LRRC4C: variants seen among roughly 807,000 people sequenced by gnomAD.
LRRC4C encodes the protein leucine-rich repeat-containing protein 4C.
Under a neutral mutation model 33.6 loss-of-function variants are expected in LRRC4C, and 5 were observed. That is an observed-to-expected ratio of 0.15 (90% confidence interval 0.08 to 0.31). The LOEUF (loss-of-function observed/expected upper bound fraction) is 0.31. Ranked by LOEUF, LRRC4C falls within the 10% of genes least tolerant of loss-of-function variation. The pLI is 1.00. For synonymous variants in LRRC4C, 329 were observed against 302.0 expected, an observed-to-expected ratio of 1.09 and a Z score of -0.93; for missense variants, 560 against 796.7, an observed-to-expected ratio of 0.70 and a Z score of 3.58.
At chr11:40,368,101 A>C (rs900372845) in intron 3 of LRRC4C, among the ~76,000 whole-genome samples, 10 of 152,166 alleles carry the variant, frequency 6.6e-5, no homozygotes, top group Non-Finnish European at 1.5e-4. Flanking sequence ...GGTGACTCAA[A>C]CATTTGTATT....
chr11:41,095,610 C>T (rs1472393686), intron 1 of LRRC4C, among the ~76,000 whole-genome samples: 3 of 152,212 alleles, frequency 2.0e-5, no homozygotes, highest in Middle Eastern at 3.4e-3. Context: ...ATTTTCTTTC[C>T]TACAGAGGCA....
intron 4 of LRRC4C, among the ~76,000 whole-genome samples, chr11:40,266,607 A>G (rs1942276518): frequency 6.6e-6 from 1 of 152,140 alleles, no homozygotes; most frequent in Admixed American, 6.5e-5. Context: ...AGTATTATGT[A>G]TTACTTAAAG....
At chr11:40,848,151 A>G (rs529877785) in intron 2 of LRRC4C, among the ~76,000 whole-genome samples, 456 of 151,156 alleles carry the variant, frequency 3.0e-3, no homozygotes, top group Non-Finnish European at 5.4e-3. Flanking sequence ...GTCTCCTTCA[A>G]TTCTGCTCTG....
chr11:40,884,936 C>A (rs939046380), intron 2 of LRRC4C, among the ~76,000 whole-genome samples: 3 of 151,834 alleles, frequency 2.0e-5, no homozygotes, highest in African/African-American at 7.3e-5. Context: ...ACAATGTGTA[C>A]ACATGGACAC....
chr11:41,378,008 G>A (rs1953003476), intron 1 of LRRC4C, among the ~76,000 whole-genome samples: 1 of 152,138 alleles, frequency 6.6e-6, no homozygotes, highest in Admixed American at 6.6e-5. Context: ...TTAACTCCAT[G>A]TTAGTGCTTC....
intron 3 of LRRC4C, among the ~76,000 whole-genome samples, chr11:40,607,263 A>G (rs571923495): frequency 1.6e-4 from 24 of 152,278 alleles, no homozygotes; most frequent in African/African-American, 5.8e-4. Context: ...TCCTGGGTAG[A>G]AAACATTGGG....
chr11:41,063,480 G>A (rs1937954632), intron 1 of LRRC4C, among the ~76,000 whole-genome samples: 1 of 152,188 alleles, frequency 6.6e-6, no homozygotes, highest in Non-Finnish European at 1.5e-5. Context: ...ATAGGTCCCA[G>A]AGAAGGCACT....
At chr11:41,206,200 C>T (rs1179952580) in intron 1 of LRRC4C, among the ~76,000 whole-genome samples, 1 of 152,146 alleles carries the variant, frequency 6.6e-6, no homozygotes, top group African/African-American at 2.4e-5. Context: ...TAACTACTCT[C>T]AAGTCTGAGA....
At chr11:40,641,620 T>C (rs1378723450) in intron 3 of LRRC4C, among the ~76,000 whole-genome samples, 1 of 152,222 alleles carries the variant, frequency 6.6e-6, no homozygotes, top group African/African-American at 2.4e-5. Context: ...GGTCTTTTTT[T>C]CTTTGCCTGT....
chr11:40,372,324 C>A (rs796927416), intron 3 of LRRC4C, among the ~76,000 whole-genome samples: 117 of 152,246 alleles, frequency 7.7e-4, no homozygotes, highest in African/African-American at 2.5e-3. Context: ...CACTTGGGGA[C>A]CTTGTAATCA....
intron 5 of LRRC4C, among the ~76,000 whole-genome samples, chr11:40,223,082 T>C (rs1031677084): frequency 1.4e-5 from 2 of 142,082 alleles, no homozygotes; most frequent in African/African-American, 2.6e-5. Flanking sequence ...GTTAGAAATA[T>C]AGACTGTGTC....
intron 1 of LRRC4C, among the ~76,000 whole-genome samples, chr11:41,096,175 G>T (rs971212363): frequency 6.6e-6 from 1 of 152,114 alleles, no homozygotes; most frequent in Non-Finnish European, 1.5e-5. Context: ...ACACTCATTT[G>T]AATATATTTA....
intron 1 of LRRC4C, among the ~76,000 whole-genome samples, chr11:41,207,033 T>C (rs1281812363): frequency 6.6e-6 from 1 of 152,194 alleles, no homozygotes; most frequent in Non-Finnish European, 1.5e-5. Context: ...GTATAATGTA[T>C]AGCATGTATT....
At position 40,847,810 on chromosome 11, in the gene LRRC4C, G is replaced by A. The variant is rs184274649; in HGVS notation, c.-407+85825C>T. Among the ~76,000 whole-genome samples, 612 of 129,312 alleles carry A rather than the reference G, an allele frequency of 4.7e-3. 1 individual carries two copies. The highest frequency in any genetic ancestry group is 0.016 in the African/African-American group (561 of 34,452). The allele number at this position is 129,312 out of a possible 152,430, so 84.8% of individuals were successfully genotyped here. A position where few individuals can be genotyped will look rare whatever the true frequency, so the allele number is the denominator to read the frequency against. On this transcript the variant is annotated intron_variant, in intron 2 of 6. Transcript: ENST00000528697. ...TTTTTTTTTTTTTTTTGATTGGTAC[G>A]ATATTAACTACTGTCTCAATTTCAG...
chr11:40,258,456 T>C (rs896490388), intron 4 of LRRC4C, among the ~76,000 whole-genome samples: 1 of 152,200 alleles, frequency 6.6e-6, no homozygotes, highest in Non-Finnish European at 1.5e-5. Flanking sequence ...TTATTTCATA[T>C]ATGTTAGTAT....
chr11:40,251,003 G>A (rs753878614), intron 4 of LRRC4C, among the ~76,000 whole-genome samples: 24 of 152,070 alleles, frequency 1.6e-4, no homozygotes, highest in Non-Finnish European at 3.1e-4. Flanking sequence ...GTCTTTTCAT[G>A]TTTAGGTAGT....
chr11:40,674,339 T>A, intron 2 of LRRC4C, among the ~76,000 whole-genome samples: 1 of 152,196 alleles, frequency 6.6e-6, no homozygotes, highest in East Asian at 1.9e-4. Context: ...TGAAGTTTGG[T>A]AAACTCATTC....
intron 2 of LRRC4C, among the ~76,000 whole-genome samples, chr11:40,776,659 T>C (rs540927690): frequency 5.6e-4 from 85 of 152,168 alleles, no homozygotes; most frequent in African/African-American, 1.9e-3. Context: ...TCAATCTTGT[T>C]TATACTTTCC....
chr11:40,551,382 G>A (rs146463012), intron 3 of LRRC4C, among the ~76,000 whole-genome samples: 2 of 152,166 alleles, frequency 1.3e-5, no homozygotes, highest in Non-Finnish European at 2.9e-5. Flanking sequence ...ATGACTTTAA[G>A]TACTATTAAG....
Sources: gnomAD v4.1 joint callset for allele counts (sites outside exome capture counted in the v4.1 genomes callset) on GRCh38, gnomAD v4.1.1 for gene constraint, MANE v1.5 for transcripts, NCBI Gene and HGNC (gene_info 2026-07-23, HGNC 2026-07-21) for gene names.